Variants in BLK observed in about 807,000 individuals in gnomAD.
BLK encodes tyrosine-protein kinase Blk.
In BLK, 64 loss-of-function variants were observed where a neutral mutation model predicts 61.8. That is an observed-to-expected ratio of 1.03 (90% CI 0.85 to 1.27). BLK has a LOEUF of 1.27. Among genes scored for constraint, BLK ranks in the 50% most tolerant of loss-of-function variants. The pLI, the probability that BLK is intolerant of heterozygous loss-of-function variation, is 0.00. For synonymous variants in BLK, 351 were observed against 272.0 expected, an observed-to-expected ratio of 1.29 and a Z score of -2.86; for missense variants, 853 against 660.5, an observed-to-expected ratio of 1.29 and a Z score of -3.19.
At chr8:11,536,776 A>G (rs1482703777) in intron 1 of BLK, among the ~76,000 whole-genome samples, 1 of 152,230 alleles carries the variant, frequency 6.6e-6, no homozygotes. Context: ...AATCTGTTGT[A>G]GCCATCCTTC....
intron 10 of BLK, among the ~76,000 whole-genome samples, chr8:11,559,255 T>A (rs1284396640): frequency 1.3e-5 from 2 of 152,060 alleles, no homozygotes; most frequent in African/African-American, 2.4e-5. Flanking sequence ...TCTAACCACA[T>A]GCTGACCATG....
chr8:11,495,532 C>T (rs1415773379), intron 1 of BLK, among the ~76,000 whole-genome samples: 5 of 152,204 alleles, frequency 3.3e-5, no homozygotes, highest in African/African-American at 9.6e-5. Context: ...CACGACAGTG[C>T]GGTTCTTCCC....
intron 1 of BLK, among the ~76,000 whole-genome samples, chr8:11,503,229 T>C (rs1798635045): frequency 6.6e-6 from 1 of 152,246 alleles, no homozygotes; most frequent in Non-Finnish European, 1.5e-5. Context: ...ACATTTGATG[T>C]TCTGCACTTA....
chr8:11,557,795 A>G (rs956637690), intron 9 of BLK, 167 bp from the exon 10 acceptor site: 4 of 638,462 alleles, frequency 6.3e-6, no homozygotes, highest in Non-Finnish European at 1.2e-5. Context: ...TGTAAAGTGG[A>G]AGGCACTCGG....
chr8:11,519,901 C>G (rs1047707732), intron 1 of BLK, among the ~76,000 whole-genome samples: 1 of 152,162 alleles, frequency 6.6e-6, no homozygotes, highest in Admixed American at 6.5e-5. Flanking sequence ...AGAAGAAATA[C>G]ACCAAAATAT....
At chr8:11,527,912 A>G (rs1799727128) in intron 1 of BLK, among the ~76,000 whole-genome samples, 1 of 152,130 alleles carries the variant, frequency 6.6e-6, no homozygotes, top group Non-Finnish European at 1.5e-5. Flanking sequence ...TACAGAAATT[A>G]TGCCTACATT....
At position 11,545,614 on chromosome 8, in the gene BLK, C is replaced by G. The variant is rs1800598158; in HGVS notation, c.124-438C>G. 1.2e-5 allele frequency: 3 copies of G among 242,694 alleles called. No homozygotes were observed. The East Asian group carries it at 2.6e-4, about 21-fold the overall frequency. The allele number at this position is 242,694 out of a possible 1,614,324, so 15.0% of individuals were successfully genotyped here. A position where few individuals can be genotyped will look rare whatever the true frequency, so the allele number is the denominator to read the frequency against. On this transcript the variant is annotated intron_variant, in intron 2 of 12. Coordinates refer to ENST00000259089, the MANE Select transcript of BLK (RefSeq NM_001715.3). ...CCTCTTGTACACATTCCCTTGTACA[C>G]TCTTGTACACATACACAGAAGTTTC...
intron 1 of BLK, among the ~76,000 whole-genome samples, chr8:11,526,503 G>A (rs1395303129): frequency 6.6e-6 from 1 of 152,190 alleles, no homozygotes; most frequent in Non-Finnish European, 1.5e-5. Flanking sequence ...TGGGTCACCT[G>A]AGGTCAGGAG....
At chr8:11,557,779 G>C in intron 9 of BLK, 183 bp from the exon 10 acceptor site, 1 of 606,276 alleles carries the variant, frequency 1.6e-6, no homozygotes, top group East Asian at 3.1e-5. Flanking sequence ...GCTGAGACTG[G>C]CATTTTGTAA....
chr8:11,524,092 G>T (rs1427440694), intron 1 of BLK, among the ~76,000 whole-genome samples: 3 of 152,132 alleles, frequency 2.0e-5, no homozygotes, highest in Non-Finnish European at 4.4e-5. Flanking sequence ...ACAGCCAAAA[G>T]TTGAAAATAA....
At chr8:11,556,282 G>T (rs1801218616) in intron 8 of BLK, 1 of 339,106 alleles carries the variant, frequency 2.9e-6, no homozygotes, top group Non-Finnish European at 5.7e-6. Context: ...TCATCCTCCT[G>T]CCCAGTGTAC....
intron 1 of BLK, among the ~76,000 whole-genome samples, chr8:11,529,311 G>A (rs533512151): frequency 6.6e-6 from 1 of 152,280 alleles, no homozygotes; most frequent in Admixed American, 6.5e-5. Context: ...AGCATTCGGC[G>A]ATCAGAGTTT....
At chr8:11,514,038 C>T (rs12674768) in intron 1 of BLK, among the ~76,000 whole-genome samples, 37,118 of 152,096 alleles carry the variant, frequency 0.24, 6,258 homozygotes, top group East Asian at 0.71. Context: ...CAATAAAACT[C>T]GTAATGACAC....
intron 1 of BLK, among the ~76,000 whole-genome samples, chr8:11,536,643 A>G (rs1332865484): frequency 6.6e-6 from 1 of 152,110 alleles, no homozygotes; most frequent in Non-Finnish European, 1.5e-5. Flanking sequence ...CCTGACCTCA[A>G]ATGATCTCCC....
intron 1 of BLK, among the ~76,000 whole-genome samples, chr8:11,534,366 TGA>T (rs2117394001): frequency 6.6e-6 from 1 of 152,346 alleles, no homozygotes; most frequent in South Asian, 2.1e-4. Flanking sequence ...ATCACTACTG[TGA>T]GAGTTTTTTA....
At chr8:11,560,469 GAATCAATTCT>G in intron 10 of BLK, 1 of 240,830 alleles carries the variant, frequency 4.2e-6, no homozygotes, top group South Asian at 5.6e-5. Flanking sequence ...AGGAGAAGTG[GAATCAATTCT>G]AGTGCTGGCT....
rs765762774 is a variant in BLK, at chr8:11,526,778, ATC to A, written c.-1-16445_-1-16444del. On this transcript the variant is annotated intron_variant, in intron 1 of 12. Coordinates refer to ENST00000259089, the MANE Select transcript of BLK (RefSeq NM_001715.3). ...TGCTTATATAATTTTACTGTGTTTC[ATC>A]AGTAGGTTAGTACTCAAAACTTTTT... is the stretch of plus-strand genomic sequence containing the variant. Among the ~76,000 whole-genome samples the A allele has an allele frequency of 9.7e-3, 1,485 of 152,348 alleles. 11 individuals are homozygous for A. The highest frequency in any genetic ancestry group is 0.044 in the Middle Eastern group (13 of 294).
At chr8:11,529,528 T>A (rs1238471967) in intron 1 of BLK, among the ~76,000 whole-genome samples, 4 of 152,058 alleles carry the variant, frequency 2.6e-5, no homozygotes, top group Admixed American at 2.6e-4. Flanking sequence ...TCTCAAGCGC[T>A]GATCTTAGGA....
chr8:11,532,866 T>C (rs1799945980), intron 1 of BLK, among the ~76,000 whole-genome samples: 2 of 152,252 alleles, frequency 1.3e-5, no homozygotes, highest in Non-Finnish European at 1.5e-5. Context: ...CACTTGCATG[T>C]GGCACACTGT....
Sources: gnomAD v4.1 joint callset for allele counts (sites outside exome capture counted in the v4.1 genomes callset) on GRCh38, gnomAD v4.1.1 for gene constraint, MANE v1.5 for transcripts, NCBI Gene and HGNC (gene_info 2026-07-23, HGNC 2026-07-21) for gene names.